The following LILRB5 variants were observed in gnomAD, a reference collection of about 807,000 sequenced individuals.
LILRB5 encodes the protein leukocyte immunoglobulin like receptor B5, also known as leukocyte immunoglobulin-like receptor subfamily B member 5.
Under a neutral mutation model 68.4 loss-of-function variants are expected in LILRB5, and 61 were observed. The ratio of observed to expected loss-of-function variants is 0.89; its 90% CI spans 0.73 to 1.10. LILRB5 has a LOEUF of 1.10. Among genes scored for constraint, LILRB5 ranks in the 50% least tolerant of loss-of-function variants. The pLI is 0.00. For synonymous variants in LILRB5, 356 were observed against 315.8 expected, an observed-to-expected ratio of 1.13 and a Z score of -1.35; for missense variants, 771 against 751.6, an observed-to-expected ratio of 1.03 and a Z score of -0.30.
Position 54,250,664 on chromosome 19 carries a change from GT to G in LILRB5, c.*121del. On this transcript the variant is annotated 3_prime_UTR_variant, in exon 13 of 13. Coordinates refer to ENST00000449561, the MANE Select transcript of LILRB5 (RefSeq NM_001081442.3). Reference sequence around the variant, plus strand: ...GTCCCAGAGTTCCCAGGATGTCCTGGTGGTCTTTGTTAGGGGTCCAGGCTGG... The same window carrying G: ...GTCCCAGAGTTCCCAGGATGTCCTGGGGTCTTTGTTAGGGGTCCAGGCTGG... The G allele has an allele frequency of 2.4e-6, 3 of 1,235,770 alleles. No homozygotes were observed. Among genetic ancestry groups the G allele is most frequent in the Non-Finnish European group, 3.4e-6 (3 of 877,328 alleles). 76.6% of individuals were successfully genotyped at this position (1,235,770 alleles called of 1,614,324 possible). A position where few individuals can be genotyped will look rare whatever the true frequency, so the allele number is the denominator to read the frequency against.
At chr19:54,252,287 T>G in intron 11 of LILRB5, 79 bp downstream of exon 11, 4 of 1,455,716 alleles carry the variant, frequency 2.7e-6, no homozygotes, top group Non-Finnish European at 3.8e-6. Context: ...CCCCCCAGCC[T>G]GTGCTCCTGC....
rs937143022 is a variant in LILRB5 at position 54,254,606 on chromosome 19, C to A, written c.1255+129G>T. On this transcript the variant is annotated intron_variant, in intron 6 of 12. Coordinates refer to ENST00000449561, the MANE Select transcript of LILRB5 (RefSeq NM_001081442.3). ...TCCTCCTCCCCTCTGAGGGGTGAGT[C>A]TCCCTCTGGCTGAGCCCCCCTCAAA... 4 of 1,296,870 alleles carry A rather than the reference C, an allele frequency of 3.1e-6. No homozygotes were observed. In the African/African-American group the frequency reaches 5.9e-5, roughly 19 times the overall value. The allele number at this position is 1,296,870 out of a possible 1,614,324, so 80.3% of individuals were successfully genotyped here.
Position 54,256,330 on chromosome 19 carries a change from T to C in LILRB5, c.368A>G (p.Glu123Gly), listed in dbSNP as rs767876072. 2 of 1,607,790 alleles carry C rather than the reference T, an allele frequency of 1.2e-6. No individual in the cohort carries two copies. Among genetic ancestry groups the C allele is most frequent in the Non-Finnish European group, 1.7e-6 (2 of 1,177,226 alleles). The change falls in exon 4 of 13, where the codon GAA (glutamate) becomes GGA (glycine). Residue 123 changes from glutamate to glycine, a missense_variant. Transcript: ENST00000449561. ...ACTCGGCAGGGCTAAAAGAGTGGGT[T>C]CTGCATAGAATCCTAGCAGAGAAGG... ...LELVATGFYA[E>G]PTLLALPSPV...
chr19:54,252,671 G>A (rs548100118), intron 9 of LILRB5, 122 bp from the exon 10 acceptor site: 62 of 1,173,256 alleles, frequency 5.3e-5, no homozygotes, highest in Non-Finnish European at 6.9e-5. Context: ...TAAATACGTC[G>A]TAAGTTTAAA....
chr19:54,255,419 A>T lies in LILRB5; in HGVS notation c.819T>A (p.Ala273=), dbSNP rs777564554. The stretch of plus-strand genomic sequence containing the variant: ...GGGTGAAGTTGGCCTGGGAGAGCCC[A>T]GCCTGGGGCTGCTGGCCAGAGCCCT... The part of the protein sequence containing the change: ...LVQGSGQQPQ[A]GLSQANFTLG... Residue 273 remains alanine (A), a synonymous_variant, in exon 5 of 13, where the codon GCT becomes GCA. Transcript: ENST00000449561. 6.2e-6 allele frequency: 10 copies of T among 1,614,128 alleles called. No homozygotes were observed. Among genetic ancestry groups the T allele is most frequent in the Non-Finnish European group, 7.6e-6 (9 of 1,180,010 alleles).
chr19:54,253,180 T>G (rs552434980), intron 8 of LILRB5, 193 bp from the exon 9 acceptor site: 1 of 278,288 alleles, frequency 3.6e-6, no homozygotes, highest in African/African-American at 2.2e-5. Flanking sequence ...CCCAGGCTCC[T>G]CAGCCTGGAA....
chr19:54,252,851 T>TA lies in LILRB5; in HGVS notation c.1474+19_1474+20insT. 1.7e-5 allele frequency: 27 copies of TA among 1,596,642 alleles called. No individual in the cohort carries two copies. The highest frequency in any genetic ancestry group is 2.2e-5 in the Non-Finnish European group (26 of 1,168,074). On this transcript the variant is annotated intron_variant, in intron 9 of 12. Coordinates refer to ENST00000449561, the MANE Select transcript of LILRB5 (RefSeq NM_001081442.3). ...AGCCCACCCTCGGTCGGCCCACGGGTTCCCCCATTCCCTACTCACCCGATG... is the reference window on the plus strand; with the variant it reads ...AGCCCACCCTCGGTCGGCCCACGGGTATCCCCCATTCCCTACTCACCCGATG...
chr19:54,253,962 C>A, intron 8 of LILRB5, 56 bp downstream of exon 8: 6 of 1,557,652 alleles, frequency 3.9e-6, no homozygotes, highest in Middle Eastern at 3.3e-4. Flanking sequence ...TACGACAGAA[C>A]CCACCCCTGC....
At chr19:54,252,029 G>A in intron 12 of LILRB5, 25 bp downstream of exon 12, 2 of 1,611,540 alleles carry the variant, frequency 1.2e-6, no homozygotes, top group East Asian at 2.2e-5. Flanking sequence ...GGCCTTTGGT[G>A]CCCGGGACAG....
At chr19:54,254,141 G>A (rs1204781442) in intron 7 of LILRB5, 73 bp from the exon 8 acceptor site, 23 of 1,547,118 alleles carry the variant, frequency 1.5e-5, no homozygotes, top group Admixed American at 2.1e-5. Context: ...CCTCCCCCAG[G>A]CTGGGCCCCA....
chr19:54,255,617 G>A, intron 4 of LILRB5, 35 bp from the exon 5 acceptor site: 1 of 1,594,510 alleles, frequency 6.3e-7, no homozygotes. Flanking sequence ...TTGGAAGGCT[G>A]GTTCCTCCCC....
At chr19:54,255,231 C>G in intron 5 of LILRB5, 55 bp downstream of exon 5, 1 of 1,586,732 alleles carries the variant, frequency 6.3e-7, no homozygotes, top group East Asian at 2.2e-5. Context: ...TTGGATTCCC[C>G]CGGCAGGACC....
At position 54,250,483 on chromosome 19, in the gene LILRB5, A is replaced by G; in HGVS notation, c.*303T>C. On this transcript the variant is annotated 3_prime_UTR_variant, in exon 13 of 13. Transcript: ENST00000449561. The stretch of plus-strand genomic sequence containing the variant: ...CGCTCATTTGTAGTTTTCCGATTTC[A>G]TCATTTAATGTGTAATATTTACATT... The G allele has an allele frequency of 2.8e-6, 1 of 363,474 alleles. No homozygotes were observed. Among genetic ancestry groups the G allele is most frequent in the Non-Finnish European group, 4.9e-6 (1 of 202,730 alleles). The allele number at this position is 363,474 out of a possible 1,614,324, so 22.5% of individuals were successfully genotyped here.
At position 54,252,887 on chromosome 19, in the gene LILRB5, G is replaced by C; in HGVS notation, c.1458C>G (p.Ser486Arg). The change falls in exon 9 of 13, where the codon AGC becomes AGG. Residue 486 changes from serine to arginine, a missense_variant. Physicochemically the swap from Ser to Arg is moderately radical, Grantham distance 110. Coordinates refer to ENST00000449561, the MANE Select transcript of LILRB5 (RefSeq NM_001081442.3). ...CCTACTCACCCGATGTCCTGTGTTT[G>C]CTCTGATGCCGATGTCGGAGGAGGA... ...LFLLLRHRHQ[S>R]KHRTSAHFYR... 1 of 1,601,374 alleles carries C rather than the reference G, an allele frequency of 6.2e-7. No homozygotes were observed. Among genetic ancestry groups the C allele is most frequent in the South Asian group, 1.1e-5 (1 of 90,946 alleles).
rs765566711 is a variant in LILRB5, at chr19:54,256,061, G to C, written c.637C>G (p.Leu213Val). 6.5e-7 allele frequency: 1 copy of C among 1,547,854 alleles called. No individual in the cohort carries two copies. The highest frequency in any genetic ancestry group is 1.2e-5 in the South Asian group (1 of 81,618). ...PQVWSNPSDL[L>V]EILVPGVSRK... ...TTTTCACCTGGGACCAGAATCTCCA[G>C]GAGGTCACTGGGGTTCGACCACACC... The change falls in exon 4 of 13, where the codon CTG becomes GTG. Residue 213 changes from leucine to valine, a missense_variant. Physicochemically the swap from Leu to Val is conservative, Grantham distance 32 (BLOSUM62 1). Transcript: ENST00000449561.
intron 4 of LILRB5, 86 bp from the exon 5 acceptor site, chr19:54,255,668 G>T: frequency 2.1e-6 from 3 of 1,407,328 alleles, no homozygotes; most frequent in Non-Finnish European, 2.9e-6. Context: ...GGCCCTGCAG[G>T]TCTCACTGTC....
rs991136395 is a variant in LILRB5 at position 54,250,782 on chromosome 19, T to C, written c.*4A>G. ...TTGAGTATGAGATCTGGGTCCCCCGTGGGCTAGTGGATGGCCAGGGGGGCG... is the reference window on the plus strand; with the variant it reads ...TTGAGTATGAGATCTGGGTCCCCCGCGGGCTAGTGGATGGCCAGGGGGGCG... On this transcript the variant is annotated 3_prime_UTR_variant, in exon 13 of 13. Transcript: ENST00000449561. 3.1e-6 allele frequency: 5 copies of C among 1,613,924 alleles called. No homozygotes were observed. The African/African-American group carries it at 5.3e-5, about 17-fold the overall frequency.
chr19:54,257,251 G>A lies in LILRB5; in HGVS notation c.-58C>T. 6.2e-7 allele frequency: 1 copy of A among 1,610,108 alleles called. No homozygotes were observed. ...GCGGATGAGACCACGGTGCCTGGCA[G>A]GACACAAAAACACGCAGAGTGTGGA... On this transcript the variant is annotated 5_prime_UTR_variant, in exon 1 of 13. Coordinates refer to ENST00000449561, the MANE Select transcript of LILRB5 (RefSeq NM_001081442.3).
In LILRB5 at chr19:54,256,590, A is replaced by G. The variant is rs191146326; in HGVS notation, c.254T>C (p.Ile85Thr). Reference protein sequence around the residue: ...LEPGAKAKFHIPSTVYDSAGR... With the variant: ...LEPGAKAKFHTPSTVYDSAGR... ...TGCACTGTCATACACCGTGGATGGA[A>G]TGTGGAACTTGGCCTTGGCTCCAGG... Residue 85 changes from isoleucine (I) to threonine (T), a missense_variant, in exon 3 of 13, where the codon ATT (isoleucine) becomes ACT (threonine). Physicochemically the swap from Ile to Thr is moderately conservative, Grantham distance 89 (BLOSUM62 -1). Transcript: ENST00000449561. 8.2e-5 allele frequency: 133 copies of G among 1,614,132 alleles called. 2 individuals carry two copies. The East Asian group carries it at 2.9e-3, about 36-fold the overall frequency.
Sources: gnomAD v4.1 joint callset for allele counts on GRCh38, gnomAD v4.1.1 for gene constraint, MANE v1.5 for transcripts, NCBI Gene and HGNC (gene_info 2026-07-23, HGNC 2026-07-21) for gene names.